The following PRR12 variants were observed in gnomAD, a reference collection of about 807,000 sequenced individuals.
The protein encoded by PRR12 is proline-rich protein 12.
A neutral mutation model predicts 138.0 loss-of-function variants in PRR12; 12 were observed. The observed-to-expected ratio is 0.09, with a 90% CI of 0.06 to 0.14. PRR12 has a LOEUF of 0.14. Ranked by LOEUF, PRR12 falls within the 10% of genes least tolerant of loss-of-function variation. The pLI, the probability that PRR12 is intolerant of heterozygous loss-of-function variation, is 1.00. For synonymous variants in PRR12, 1,567 were observed against 1,291.7 expected, an observed-to-expected ratio of 1.21 and a Z score of -4.57; for missense variants, 2,692 against 2,861.3, an observed-to-expected ratio of 0.94 and a Z score of 1.35.
In PRR12 at chr19:49,596,249, TGAG is replaced by T; in HGVS notation, c.1918_1920del (p.Glu640del). 2 of 1,611,278 alleles carry T rather than the reference TGAG, an allele frequency of 1.2e-6. No homozygotes were observed. Among genetic ancestry groups the T allele is most frequent in the Non-Finnish European group, 1.7e-6 (2 of 1,179,592 alleles). ...GGCCTCCTGCGGAGCGCACAGAGGA[TGAG>T]GAGTTCCTTATCCAGCACCTCTTGC... On this transcript the variant is annotated inframe_deletion, in exon 4 of 14. Coordinates refer to ENST00000418929, the MANE Select transcript of PRR12 (RefSeq NM_020719.3). This position sits in a 1 kb window ranked among gnomAD's most constrained non-coding sequence, Gnocchi z 5.6.
intron 6 of PRR12, among the ~76,000 whole-genome samples, chr19:49,602,890 G>A (rs1413559154): frequency 1.3e-5 from 2 of 152,210 alleles, no homozygotes; most frequent in African/African-American, 2.4e-5. Context: ...ACTTAAATAC[G>A]TAAATGCAGA....
At chr19:49,592,775 T>A (rs1368314487) in intron 1 of PRR12, among the ~76,000 whole-genome samples, 1 of 152,144 alleles carries the variant, frequency 6.6e-6, no homozygotes, top group Non-Finnish European at 1.5e-5. Flanking sequence ...CCTGGTACTT[T>A]CCCCAGGTCT....
At chr19:49,610,254 T>TGC (rs1428638619) in intron 6 of PRR12, among the ~76,000 whole-genome samples, 4 of 151,702 alleles carry the variant, frequency 2.6e-5, no homozygotes, top group Non-Finnish European at 5.9e-5. Flanking sequence ...GGATTACAGA[T>TGC]GCGAGCCACC....
At position 49,595,287 on chromosome 19, in the gene PRR12, G is replaced by A; in HGVS notation, c.952G>A (p.Gly318Ser). ...GCTCCAGCACTATCTGAGCTGTGGAGGCAGCTACCCCTCCATGGGCCACCG... is the reference window on the plus strand; with the variant it reads ...GCTCCAGCACTATCTGAGCTGTGGAAGCAGCTACCCCTCCATGGGCCACCG... The part of the protein sequence containing the change: ...HALQHYLSCG[G>S]SYPSMGHRAN... The change falls in exon 4 of 14, where the codon GGC becomes AGC. Residue 318 changes from glycine (G) to serine (S), a missense_variant. By Grantham distance (56) the Gly-to-Ser change is moderately conservative (BLOSUM62 0). This residue lies in a region of PRR12 where 523 missense variants were observed against 496.4 expected (regional missense o/e 1.05). Coordinates refer to ENST00000418929, the MANE Select transcript of PRR12 (RefSeq NM_020719.3). 1 of 1,545,506 alleles carries A rather than the reference G, an allele frequency of 6.5e-7. No homozygotes were observed. Among genetic ancestry groups the A allele is most frequent in the Non-Finnish European group, 8.7e-7 (1 of 1,146,446 alleles).
At position 49,614,397 on chromosome 19, in the gene PRR12, A is replaced by C; in HGVS notation, c.4774-136A>C. The C allele has an allele frequency of 3.3e-6, 2 of 604,688 alleles. No individual in the cohort carries two copies. Among genetic ancestry groups the C allele is most frequent in the East Asian group, 2.9e-5 (1 of 34,696 alleles). 37.5% of individuals were successfully genotyped at this position (604,688 alleles called of 1,614,324 possible). ...ACAGAGCTGAACACATCATGGGGGT[A>C]GAAGATATTTGTTGTTGACGTGTCT... is the stretch of plus-strand genomic sequence containing the variant. On this transcript the variant is annotated intron_variant, in intron 6 of 13. Coordinates refer to ENST00000418929, the MANE Select transcript of PRR12 (RefSeq NM_020719.3). This position sits in a 1 kb window ranked among gnomAD's most constrained non-coding sequence, Gnocchi z 5.0.
Position 49,601,554 on chromosome 19 carries a change from A to C in PRR12, c.4409A>C (p.Gln1470Pro), listed in dbSNP as rs2080810261. The C allele has an allele frequency of 2.0e-6, 3 of 1,523,120 alleles. No individual in the cohort carries two copies. The African/African-American group carries it at 4.5e-5, about 23-fold the overall frequency. 94.4% of individuals were successfully genotyped at this position (1,523,120 alleles called of 1,614,324 possible). Residue 1470 changes from glutamine to proline, a missense_variant, in exon 6 of 14, where the codon CAG becomes CCG. Physicochemically the swap from Gln to Pro is moderately conservative, Grantham distance 76. Transcript: ENST00000418929. ...CCTCCTGCCCCGACTCCTCAGCCTC[A>C]GCCTCCGCCACCCCCTCCGCCGCCA... ...TPPPAPTPQP[Q>P]PPPPPPPPQP... is the part of the protein sequence containing the mutation.
chr19:49,620,972 G>A (rs879245545), intron 10 of PRR12, among the ~76,000 whole-genome samples: 7 of 138,810 alleles, frequency 5.0e-5, no homozygotes, highest in East Asian at 2.2e-4. Context: ...CTGGGTCTGA[G>A]GGAGGAGGGA....
intron 6 of PRR12, among the ~76,000 whole-genome samples, chr19:49,612,323 C>A (rs1425922935): frequency 6.6e-6 from 1 of 151,808 alleles, no homozygotes; most frequent in African/African-American, 2.4e-5. Flanking sequence ...GGCTGTGGGC[C>A]AGGCCACTTT....
chr19:49,622,067 G>C (rs1358079311), intron 11 of PRR12, among the ~76,000 whole-genome samples: 1 of 152,206 alleles, frequency 6.6e-6, no homozygotes, highest in Non-Finnish European at 1.5e-5. Flanking sequence ...AACTGGCTCT[G>C]AGGATTCTGG....
At chr19:49,592,453 C>T (rs1329113550) in intron 1 of PRR12, among the ~76,000 whole-genome samples, 1 of 152,098 alleles carries the variant, frequency 6.6e-6, no homozygotes, top group Non-Finnish European at 1.5e-5. Flanking sequence ...GTTTGTGTGT[C>T]TGAGCGTGGG....
In PRR12 at chr19:49,596,078, C is replaced by T. The variant is rs771903855; in HGVS notation, c.1743C>T (p.Gly581=). 1 of 1,601,828 alleles carries T rather than the reference C, an allele frequency of 6.2e-7. No homozygotes were observed. The highest frequency in any genetic ancestry group is 8.5e-7 in the Non-Finnish European group (1 of 1,179,734). The change falls in exon 4 of 14, where the codon GGC becomes GGT. Residue 581 remains glycine, a synonymous_variant. Transcript: ENST00000418929. This position sits in a 1 kb window ranked among gnomAD's most constrained non-coding sequence, Gnocchi z 5.6. ...PPATGRPPGV[G]SPGAPGKYLS... is the part of the protein sequence containing the mutation. ...CCACCGGCCGTCCACCTGGAGTCGG[C>T]TCTCCAGGAGCCCCTGGCAAATACC...
chr19:49,619,535 C>CTTTTTTT (rs760207958), intron 9 of PRR12, among the ~76,000 whole-genome samples: 8 of 67,148 alleles, frequency 1.2e-4, no homozygotes, highest in Admixed American at 2.0e-4. Context: ...ATGCCCAGCC[C>CTTTTTTT]TTTTTTTTTT....
intron 9 of PRR12, among the ~76,000 whole-genome samples, chr19:49,617,978 A>G (rs1229358765): frequency 6.6e-6 from 1 of 152,106 alleles, no homozygotes. Flanking sequence ...CATGCCTATA[A>G]TCACAGCGAC....
chr19:49,599,351 G>A lies in PRR12; in HGVS notation c.3758G>A (p.Ser1253Asn). ...GCCATATCAGGCACTGACCACAACA[G>A]CCTGGACTCGAGCCTGACTCGGGAG... ...GDAISGTDHN[S>N]LDSSLTREKI... Residue 1253 changes from serine (S) to asparagine (N), a missense_variant, in exon 5 of 14, where the codon AGC becomes AAC. Physicochemically the swap from Ser to Asn is conservative, Grantham distance 46 (BLOSUM62 1). This residue lies in a region of PRR12 where 326 missense variants were observed against 344.2 expected (regional missense o/e 0.95). Coordinates refer to ENST00000418929, the MANE Select transcript of PRR12 (RefSeq NM_020719.3). The surrounding 1 kb of genome is among the most constrained non-coding windows in gnomAD (Gnocchi z 5.0). The A allele has an allele frequency of 6.2e-7, 1 of 1,613,272 alleles. No individual in the cohort carries two copies. Among genetic ancestry groups the A allele is most frequent in the Non-Finnish European group, 8.5e-7 (1 of 1,179,788 alleles).
rs1351926661 is a variant in PRR12, at chr19:49,615,951, G to A, written c.5229G>A (p.Glu1743=). The A allele has an allele frequency of 1.9e-6, 3 of 1,553,364 alleles. No individual in the cohort carries two copies. The highest frequency in any genetic ancestry group is 3.9e-5 in the Admixed American group (2 of 51,072). ...SLLRPVEKEK[E]KEKVTRGERP... is the part of the protein sequence containing the mutation. ...TGCGGCCTGTTGAGAAGGAAAAGGA[G>A]AAGGAGAAGGTGACACGTGGAGAGC... The change falls in exon 9 of 14, where the codon GAG becomes GAA. Residue 1743 remains glutamate, a synonymous_variant. Coordinates refer to ENST00000418929, the MANE Select transcript of PRR12 (RefSeq NM_020719.3).
In PRR12 at chr19:49,597,000, C is replaced by T. The variant is rs2080775818; in HGVS notation, c.2665C>T (p.Pro889Ser). Residue 889 changes from proline to serine, a missense_variant, in exon 4 of 14, where the codon CCG becomes TCG. Pro to Ser is a moderately conservative substitution (Grantham distance 74). Transcript: ENST00000418929. This position sits in a 1 kb window ranked among gnomAD's most constrained non-coding sequence, Gnocchi z 5.6. ...AMQELLGALE[P>S]LPPAPGDTGV... ...GCAGGAATTGCTCGGGGCTCTGGAG[C>T]CGCTGCCCCCGGCGCCTGGGGATAC... The T allele has an allele frequency of 2.6e-6, 4 of 1,557,884 alleles. No individual in the cohort carries two copies. The highest frequency in any genetic ancestry group is 2.6e-6 in the Non-Finnish European group (3 of 1,154,448).
In PRR12 at chr19:49,616,793, C is replaced by T. The variant is rs937275060; in HGVS notation, c.5497+574C>T. Among the ~76,000 whole-genome samples the T allele has an allele frequency of 6.6e-6, 1 of 152,142 alleles. No homozygotes were observed. The highest frequency in any genetic ancestry group is 1.5e-5 in the Non-Finnish European group (1 of 68,042). On this transcript the variant is annotated intron_variant, in intron 9 of 13. Coordinates refer to ENST00000418929, the MANE Select transcript of PRR12 (RefSeq NM_020719.3). The surrounding 1 kb of genome is among the most constrained non-coding windows in gnomAD (Gnocchi z 4.2). ...TTTAGTAGACACTACCTGTCTACTC[C>T]ATGTCTGCCCAGCACACTGCCACAT...
chr19:49,594,845 C>G lies in PRR12; in HGVS notation c.510C>G (p.Leu170=). The change falls in exon 4 of 14, where the codon CTC becomes CTG. Residue 170 remains leucine, a synonymous_variant. Transcript: ENST00000418929. This position sits in a 1 kb window ranked among gnomAD's most constrained non-coding sequence, Gnocchi z 5.6. ...TCCCAGTGCCCTCGTCCCTCAGCCT[C>G]CAGGACCCCCCATTCAGCCCTCCAG... The part of the protein sequence containing the change: ...RPFPVPSSLS[L]QDPPFSPPAN... 1 of 1,611,524 alleles carries G rather than the reference C, an allele frequency of 6.2e-7. No homozygotes were observed. The highest frequency in any genetic ancestry group is 8.5e-7 in the Non-Finnish European group (1 of 1,179,126).
At chr19:49,593,605 G>C (rs1356232873) in intron 2 of PRR12, among the ~76,000 whole-genome samples, 166 bp downstream of exon 2, 2 of 152,012 alleles carry the variant, frequency 1.3e-5, no homozygotes, top group African/African-American at 4.8e-5. Flanking sequence ...GCTGGTCGCT[G>C]CTTCATTTCT....
Sources: allele counts gnomAD v4.1 joint callset (sites outside exome capture counted in the v4.1 genomes callset), GRCh38; gene constraint gnomAD v4.1.1; regional missense constraint gnomAD v4.1.1; non-coding constraint Gnocchi (gnomAD v3.1); transcripts MANE v1.5; gene names NCBI Gene and HGNC (gene_info 2026-07-23, HGNC 2026-07-21).